The following ADCY7 variants were observed in gnomAD, a reference collection of about 807,000 sequenced individuals.
ADCY7 encodes the protein adenylate cyclase 7.
A neutral mutation model predicts 120.6 loss-of-function variants in ADCY7; 72 were observed. That is an observed-to-expected ratio of 0.60 (90% CI 0.49 to 0.73). The LOEUF (loss-of-function observed/expected upper bound fraction) is 0.73, where lower values mean the gene tolerates loss of function less well. Among genes scored for constraint, ADCY7 ranks in the 30% least tolerant of loss-of-function variants. The pLI, the probability that ADCY7 is intolerant of heterozygous loss-of-function variation, is 0.00. For synonymous variants in ADCY7, 661 were observed against 628.0 expected, an observed-to-expected ratio of 1.05 and a Z score of -0.78; for missense variants, 1,227 against 1,486.0, an observed-to-expected ratio of 0.83 and a Z score of 2.87.
At chr16:50,313,219 C>G (rs898764628) in intron 22 of ADCY7, 183 bp downstream of exon 22, 6 of 671,212 alleles carry the variant, frequency 8.9e-6, no homozygotes, top group Non-Finnish European at 1.4e-5. Flanking sequence ...GAGTTCGAGA[C>G]CAGCCTGGCC....
chr16:50,273,453 T>G (rs2033692703), intron 1 of ADCY7, among the ~76,000 whole-genome samples: 1 of 152,188 alleles, frequency 6.6e-6, no homozygotes, highest in Admixed American at 6.5e-5. Context: ...AGGGGACCCA[T>G]GCCTGTCCTG....
At chr16:50,248,270 C>T (rs375017817) in intron 1 of ADCY7, among the ~76,000 whole-genome samples, 16 of 152,228 alleles carry the variant, frequency 1.1e-4, no homozygotes, top group African/African-American at 3.9e-4. Context: ...CCAGAAGAGC[C>T]CTGGGGCTTT....
At position 50,314,277 on chromosome 16, in the gene ADCY7, C is replaced by T; in HGVS notation, c.2857-15C>T. 3.1e-6 allele frequency: 5 copies of T among 1,612,210 alleles called. No individual in the cohort carries two copies. The highest frequency in any genetic ancestry group is 2.2e-5 in the East Asian group (1 of 44,856). ...TCTGGAGATGCAAGGATCTGACCCACAGCCTGTCCCGCAGGAGCTGGAGCG... is the reference window on the plus strand; with the variant it reads ...TCTGGAGATGCAAGGATCTGACCCATAGCCTGTCCCGCAGGAGCTGGAGCG... On this transcript the variant is annotated splice_polypyrimidine_tract_variant and intron_variant, in intron 23 of 25. Coordinates refer to ENST00000673801, the MANE Select transcript of ADCY7 (RefSeq NM_001114.5).
intron 10 of ADCY7, chr16:50,301,585 C>A (rs184362889): frequency 2.3e-5 from 5 of 215,278 alleles, no homozygotes; most frequent in African/African-American, 4.6e-5. Flanking sequence ...TCAAAACAAG[C>A]TTTGGATGAA....
intron 1 of ADCY7, among the ~76,000 whole-genome samples, chr16:50,246,697 G>A (rs1430693234): frequency 6.6e-6 from 1 of 152,310 alleles, no homozygotes; most frequent in East Asian, 1.9e-4. Context: ...ACCCCTCGGT[G>A]GCCAAAGGGG....
At chr16:50,257,996 C>T (rs1317147375) in intron 1 of ADCY7, among the ~76,000 whole-genome samples, 2 of 152,226 alleles carry the variant, frequency 1.3e-5, no homozygotes, top group South Asian at 2.1e-4. Flanking sequence ...ACGCTTGCCT[C>T]GGCCTCCCAA....
intron 21 of ADCY7, among the ~76,000 whole-genome samples, chr16:50,312,421 T>G (rs570246970): frequency 2.0e-5 from 3 of 152,340 alleles, no homozygotes; most frequent in Non-Finnish European, 4.4e-5. Flanking sequence ...TTCCCAGGCC[T>G]TGGTCTTCAC....
At position 50,314,309 on chromosome 16, in the gene ADCY7, T is replaced by C. The variant is rs2036664676; in HGVS notation, c.2874T>C (p.His958=). Residue 958 remains histidine, a synonymous_variant, in exon 24 of 26, where the codon CAT becomes CAC. Transcript: ENST00000673801. The part of the protein sequence containing the change: ...GHENQELERQ[H]AHIGVMVEFS... ...TCCCGCAGGAGCTGGAGCGGCAGCA[T>C]GCCCACATTGGTGTCATGGTGGAGT... 1 of 1,614,140 alleles carries C rather than the reference T, an allele frequency of 6.2e-7. No homozygotes were observed. The highest frequency in any genetic ancestry group is 8.5e-7 in the Non-Finnish European group (1 of 1,179,990).
intron 21 of ADCY7, 126 bp downstream of exon 21, chr16:50,312,317 T>A: frequency 1.9e-6 from 2 of 1,059,996 alleles, no homozygotes. Context: ...CTCACCGGGA[T>A]GCCCAGGCGA....
intron 3 of ADCY7, among the ~76,000 whole-genome samples, chr16:50,290,885 T>G (rs1351732042): frequency 6.6e-6 from 1 of 152,148 alleles, no homozygotes; most frequent in Non-Finnish European, 1.5e-5. Context: ...CCAGTTTGGT[T>G]GGAGATGACA....
chr16:50,265,369 T>A (rs71382307), upstream of ADCY7, among the ~76,000 whole-genome samples: 19 of 57,898 alleles, frequency 3.3e-4, no homozygotes, highest in Non-Finnish European at 6.9e-4. Context: ...CCTGGAACCC[T>A]GTGTGAGTCC....
intron 18 of ADCY7, 61 bp from the exon 19 acceptor site, chr16:50,310,626 G>T (rs1044165261): frequency 6.2e-7 from 1 of 1,604,996 alleles, no homozygotes; most frequent in Admixed American, 1.7e-5. Flanking sequence ...GTATGTGCTG[G>T]GCTGGAGGCG....
rs78600062 is a variant in ADCY7, at chr16:50,292,049, C to T, written c.537+152C>T. 439 of 923,388 alleles carry T rather than the reference C, an allele frequency of 4.8e-4. 4 individuals are homozygous for T. The East Asian group carries it at 9.7e-3, about 20-fold the overall frequency. The allele number at this position is 923,388 out of a possible 1,614,324, so 57.2% of individuals were successfully genotyped here. A position where few individuals can be genotyped will look rare whatever the true frequency, so the allele number is the denominator to read the frequency against. ...AGGCCGGGCCCTCTCCACGTCTGCT[C>T]GGAAGCTGGGCTCCAGGCGTGGCCC... On this transcript the variant is annotated intron_variant, in intron 4 of 25. Coordinates refer to ENST00000673801, the MANE Select transcript of ADCY7 (RefSeq NM_001114.5).
chr16:50,271,932 C>A (rs2033601916), intron 1 of ADCY7, among the ~76,000 whole-genome samples: 1 of 152,216 alleles, frequency 6.6e-6, no homozygotes, highest in African/African-American at 2.4e-5. Flanking sequence ...CGCCGGGATA[C>A]CCTCTTCTCA....
At chr16:50,310,469 T>C (rs1261599398) in intron 18 of ADCY7, 2 of 1,536,288 alleles carry the variant, frequency 1.3e-6, no homozygotes, top group Admixed American at 3.9e-5. Context: ...GCATACTGTT[T>C]TTTCCCGTTT....
chr16:50,311,554 A>G (rs1421882113), intron 19 of ADCY7, 139 bp from the exon 20 acceptor site: 1 of 440,940 alleles, frequency 2.3e-6, no homozygotes, highest in South Asian at 2.2e-5. Flanking sequence ...ATAATACCCC[A>G]AAGTTGTCTT....
intron 15 of ADCY7, 63 bp from the exon 16 acceptor site, chr16:50,308,264 G>A (rs977752750): frequency 1.2e-6 from 2 of 1,613,802 alleles, no homozygotes; most frequent in Non-Finnish European, 1.7e-6. Flanking sequence ...CAGAGGATTG[G>A]TGGGGGCGGT....
chr16:50,245,188 CAT>C (rs1221878806), upstream of ADCY7, among the ~76,000 whole-genome samples: 2 of 152,174 alleles, frequency 1.3e-5, no homozygotes, highest in Non-Finnish European at 2.9e-5. Context: ...ACCTGTTTGT[CAT>C]AGATTTCCTC....
At chr16:50,291,712 G>A (rs754176560) in intron 3 of ADCY7, 24 bp from the exon 4 acceptor site, 28 of 1,613,558 alleles carry the variant, frequency 1.7e-5, no homozygotes, top group Admixed American at 8.3e-5. Flanking sequence ...TTGGGGCACC[G>A]GGCTCACCAG....
Sources: gnomAD v4.1 joint callset for allele counts (sites outside exome capture counted in the v4.1 genomes callset) on GRCh38, gnomAD v4.1.1 for gene constraint, MANE v1.5 for transcripts, NCBI Gene and HGNC (gene_info 2026-07-23, HGNC 2026-07-21) for gene names.